The following TMEFF1 variants were observed in gnomAD, a reference collection of about 807,000 sequenced individuals.
The protein encoded by TMEFF1 is tomoregulin-1.
Under a neutral mutation model 47.5 loss-of-function variants are expected in TMEFF1, and 20 were observed. That is an observed-to-expected ratio of 0.42 (90% CI 0.30 to 0.61). The LOEUF is 0.61. Ranked by LOEUF, TMEFF1 falls within the 20% of genes least tolerant of loss-of-function variation. TMEFF1 has a pLI of 0.19. For synonymous variants in TMEFF1, 162 were observed against 166.3 expected (o/e 0.97, Z 0.20); for missense variants, 411 against 471.1 (o/e 0.87, Z 1.18).
intron 8 of TMEFF1, among the ~76,000 whole-genome samples, chr9:100,569,400 T>C (rs1286199465): frequency 4.6e-5 from 7 of 152,208 alleles, no homozygotes; most frequent in Admixed American, 3.9e-4. Flanking sequence ...TTGGCTATTA[T>C]TGAGTTGTAT....
intron 5 of TMEFF1, among the ~76,000 whole-genome samples, chr9:100,541,935 A>G (rs1171170345): frequency 3.9e-5 from 6 of 152,038 alleles, no homozygotes; most frequent in Non-Finnish European, 7.4e-5. Flanking sequence ...TGGTGTCATC[A>G]TTTTAACATG....
chr9:100,563,018 A>C (rs1329997660), intron 8 of TMEFF1, among the ~76,000 whole-genome samples: 2 of 151,916 alleles, frequency 1.3e-5, no homozygotes, highest in East Asian at 3.9e-4. Context: ...GGGTTTCACT[A>C]TGTTGGCCAG....
intron 7 of TMEFF1, among the ~76,000 whole-genome samples, chr9:100,556,576 A>G (rs1368672585): frequency 6.6e-6 from 1 of 152,190 alleles, no homozygotes; most frequent in Non-Finnish European, 1.5e-5. Context: ...GGTTTCATTC[A>G]ACATAAAGAA....
intron 5 of TMEFF1, among the ~76,000 whole-genome samples, chr9:100,538,041 C>T (rs1262595802): frequency 6.6e-6 from 1 of 152,018 alleles, no homozygotes; most frequent in Non-Finnish European, 1.5e-5. Flanking sequence ...TGTGAATCTA[C>T]CTCCCAAGGC....
At chr9:100,537,512 C>T (rs1178057767) in intron 5 of TMEFF1, among the ~76,000 whole-genome samples, 1 of 152,136 alleles carries the variant, frequency 6.6e-6, no homozygotes, top group South Asian at 2.1e-4. Context: ...AACCACTCAC[C>T]CATGAGATGT....
intron 1 of TMEFF1, among the ~76,000 whole-genome samples, chr9:100,474,921 TGGCCCTGG>T (rs1432168908): frequency 6.6e-6 from 1 of 152,208 alleles, no homozygotes; most frequent in East Asian, 1.9e-4. Context: ...ACAAGGATTA[TGGCCCTGG>T]GGCAAAGACA....
intron 3 of TMEFF1, among the ~76,000 whole-genome samples, chr9:100,510,990 C>T: frequency 6.6e-6 from 1 of 152,164 alleles, no homozygotes; most frequent in East Asian, 1.9e-4. Context: ...CCTCCCTTAA[C>T]AAATATCCTT....
At chr9:100,564,396 G>A (rs1243681198) in intron 8 of TMEFF1, among the ~76,000 whole-genome samples, 2 of 152,180 alleles carry the variant, frequency 1.3e-5, no homozygotes, top group South Asian at 2.1e-4. Flanking sequence ...TTGATTGATT[G>A]ATTGGTTGAT....
intron 5 of TMEFF1, among the ~76,000 whole-genome samples, chr9:100,530,732 T>C (rs975388765): frequency 2.0e-5 from 3 of 152,192 alleles, no homozygotes; most frequent in African/African-American, 4.8e-5. Context: ...CCTAACTCTT[T>C]TTATGAGGCC....
rs1306080935 is a variant in TMEFF1, at chr9:100,514,677, C to A, written c.463+1344C>A. Among the ~76,000 whole-genome samples the A allele has an allele frequency of 7.7e-4, 112 of 145,294 alleles. 2 individuals are homozygous for A. Among genetic ancestry groups the A allele is most frequent in the African/African-American group, 2.7e-3 (106 of 38,788 alleles). On this transcript the variant is annotated intron_variant, in intron 4 of 9. Transcript: ENST00000374879. ...ACCAGCCTGGGCAACATAGTGAGAC[C>A]CTGTCTCTACCCCAAAAAAAAAAAA...
intron 8 of TMEFF1, among the ~76,000 whole-genome samples, chr9:100,562,886 C>T (rs569763411): frequency 5.3e-5 from 8 of 151,772 alleles, no homozygotes; most frequent in African/African-American, 1.7e-4. Flanking sequence ...GGTGCGATCT[C>T]GGCTCACTGC....
chr9:100,481,213 G>GACATAC (rs147410864), intron 1 of TMEFF1, among the ~76,000 whole-genome samples: 6,652 of 152,210 alleles, frequency 0.044, 319 homozygotes, highest in South Asian at 0.22. Context: ...TTTCCTGTGT[G>GACATAC]ACATACTATA....
At position 100,576,662 on chromosome 9, in the gene TMEFF1, G is replaced by A; in HGVS notation, c.*62G>A. On this transcript the variant is annotated 3_prime_UTR_variant, in exon 10 of 10. Transcript: ENST00000374879. ...TACATTTATTATGTCTTTTTTTAAA[G>A]AATGGAAATATTTATTTCAGAGGCC... The A allele has an allele frequency of 6.5e-7, 1 of 1,542,808 alleles. No individual in the cohort carries two copies. Among genetic ancestry groups the A allele is most frequent in the Non-Finnish European group, 8.7e-7 (1 of 1,146,042 alleles).
chr9:100,534,302 TG>T (rs1838462492), intron 5 of TMEFF1, among the ~76,000 whole-genome samples: 2 of 152,322 alleles, frequency 1.3e-5, no homozygotes, highest in South Asian at 4.1e-4. Flanking sequence ...CTGGTTTTTT[TG>T]ATTGGGGGCT....
intron 8 of TMEFF1, among the ~76,000 whole-genome samples, chr9:100,564,948 G>T (rs970093035): frequency 6.6e-6 from 1 of 152,116 alleles, no homozygotes; most frequent in Admixed American, 6.5e-5. Flanking sequence ...ATTGGTGGAG[G>T]TTAGTGGGAT....
chr9:100,491,368 C>T (rs1191839616), intron 1 of TMEFF1, among the ~76,000 whole-genome samples: 7 of 152,100 alleles, frequency 4.6e-5, no homozygotes, highest in Non-Finnish European at 7.3e-5. Context: ...TCTAGACAGT[C>T]AGTATAAACT....
At chr9:100,526,045 T>C (rs1264439336) in intron 5 of TMEFF1, among the ~76,000 whole-genome samples, 2 of 152,216 alleles carry the variant, frequency 1.3e-5, no homozygotes, top group African/African-American at 4.8e-5. Flanking sequence ...GAGACCTTGT[T>C]TGAAGTGTTT....
intron 7 of TMEFF1, among the ~76,000 whole-genome samples, chr9:100,551,895 G>A (rs1192528420): frequency 2.0e-5 from 3 of 152,188 alleles, no homozygotes; most frequent in Non-Finnish European, 4.4e-5. Flanking sequence ...TTAATTTTTG[G>A]TGGGGAACAG....
chr9:100,561,401 T>C lies in TMEFF1; in HGVS notation c.780T>C (p.Ala260=). 6.2e-7 allele frequency: 1 copy of C among 1,612,628 alleles called. No individual in the cohort carries two copies. Among genetic ancestry groups the C allele is most frequent in the Non-Finnish European group, 8.5e-7 (1 of 1,179,412 alleles). The change falls in exon 8 of 10, where the codon GCT becomes GCC. Residue 260 remains alanine, a synonymous_variant. Coordinates refer to ENST00000374879, the MANE Select transcript of TMEFF1 (RefSeq NM_003692.5). ...GLQYRPDVKD[A]SDQREDVYIG... is the part of the protein sequence containing the mutation. ...TCTGGTTTATGTTCTTTTAAGATGC[T>C]AGTGATCAAAGAGAAGATGTTTATA...
Sources: gnomAD v4.1 joint callset for allele counts (sites outside exome capture counted in the v4.1 genomes callset) on GRCh38, gnomAD v4.1.1 for gene constraint, MANE v1.5 for transcripts, NCBI Gene and HGNC (gene_info 2026-07-23, HGNC 2026-07-21) for gene names.